The following FAM81A variants were observed in gnomAD, a reference collection of about 807,000 sequenced individuals.
FAM81A encodes the protein family with sequence similarity 81 member A, also known as protein FAM81A.
In FAM81A, 19 loss-of-function variants were observed where a neutral mutation model predicts 46.7. The observed-to-expected ratio is 0.41, with a 90% CI of 0.28 to 0.60. FAM81A has a LOEUF of 0.60. Among genes scored for constraint, FAM81A ranks in the 20% least tolerant of loss-of-function variants. FAM81A has a pLI of 0.34. For missense variants in FAM81A, 377 were observed against 453.5 expected (o/e 0.83, Z 1.53); for synonymous variants, 183 against 152.9 (o/e 1.20, Z -1.45).
Position 59,523,076 on chromosome 15 carries a change from A to G in FAM81A, c.*1698A>G, listed in dbSNP as rs575036509. Reference sequence around the variant, plus strand: ...AGCACAAACCACAGCACAGGAAGCCACACCCCCTCCAGCATCTCTGTCTTG... The same window carrying G: ...AGCACAAACCACAGCACAGGAAGCCGCACCCCCTCCAGCATCTCTGTCTTG... On this transcript the variant is annotated 3_prime_UTR_variant, in exon 9 of 9. Coordinates refer to ENST00000288228, the MANE Select transcript of FAM81A (RefSeq NM_152450.3). 5.9e-5 allele frequency: 9 copies of G among 152,378 alleles called. No homozygotes were observed. The South Asian group carries it at 1.9e-3, about 32-fold the overall frequency. The allele number at this position is 152,378 out of a possible 1,614,324, so 9.4% of individuals were successfully genotyped here. A position where few individuals can be genotyped will look rare whatever the true frequency, so the allele number is the denominator to read the frequency against.
At chr15:59,471,925 A>G (rs1834465732) in intron 3 of FAM81A, among the ~76,000 whole-genome samples, 1 of 152,152 alleles carries the variant, frequency 6.6e-6, no homozygotes, top group Non-Finnish European at 1.5e-5. Flanking sequence ...ACTTCTTATG[A>G]TGGTTAAAGA....
At chr15:59,450,221 C>T (rs1279198102) in intron 1 of FAM81A, among the ~76,000 whole-genome samples, 1 of 151,740 alleles carries the variant, frequency 6.6e-6, no homozygotes, top group East Asian at 1.9e-4. Flanking sequence ...TGAGCCACTG[C>T]ACCTCGCTGC....
intron 2 of FAM81A, among the ~76,000 whole-genome samples, chr15:59,402,754 A>G (rs1468969372): frequency 6.6e-6 from 1 of 151,988 alleles, no homozygotes; most frequent in Admixed American, 6.6e-5. Flanking sequence ...GGGTTTCACC[A>G]TGTTAGCCAG....
At chr15:59,421,746 T>A (rs1018186904) in intron 2 of FAM81A, among the ~76,000 whole-genome samples, 14 of 15,518 alleles carry the variant, frequency 9.0e-4, no homozygotes, top group African/African-American at 2.1e-3. Context: ...TATCTATCTG[T>A]CTATCTATCT....
At chr15:59,447,187 C>T (rs1164537047) in intron 1 of FAM81A, among the ~76,000 whole-genome samples, 1 of 152,216 alleles carries the variant, frequency 6.6e-6, no homozygotes, top group African/African-American at 2.4e-5. Flanking sequence ...GCCTCACCCT[C>T]TCCAAGATGG....
intron 6 of FAM81A, among the ~76,000 whole-genome samples, chr15:59,514,066 G>C (rs559658480): frequency 5.9e-5 from 9 of 151,950 alleles, no homozygotes; most frequent in African/African-American, 1.7e-4. Context: ...ACACATACTG[G>C]GGCTTGGGGG....
chr15:59,469,084 G>T (rs1318332737), intron 3 of FAM81A, among the ~76,000 whole-genome samples: 8 of 152,134 alleles, frequency 5.3e-5, no homozygotes, highest in Non-Finnish European at 4.4e-5. Flanking sequence ...ACAGTTTGTT[G>T]TGATTTCTGT....
At chr15:59,414,838 T>C (rs1360634238) in intron 2 of FAM81A, among the ~76,000 whole-genome samples, 1 of 151,990 alleles carries the variant, frequency 6.6e-6, no homozygotes, top group Non-Finnish European at 1.5e-5. Flanking sequence ...TTTTTTGAGA[T>C]GGAGTCTCGC....
intron 3 of FAM81A, among the ~76,000 whole-genome samples, chr15:59,468,023 A>G (rs1350107517): frequency 3.9e-5 from 6 of 152,042 alleles, no homozygotes; most frequent in South Asian, 2.1e-4. Flanking sequence ...ATTGATTTGC[A>G]TATGTTGAAC....
intron 2 of FAM81A, among the ~76,000 whole-genome samples, chr15:59,406,749 T>C (rs1261646592): frequency 6.6e-6 from 1 of 152,182 alleles, no homozygotes; most frequent in African/African-American, 2.4e-5. Flanking sequence ...TCCTGCACGA[T>C]CTTTTACTAC....
upstream of FAM81A, among the ~76,000 whole-genome samples, chr15:59,437,562 G>A (rs922854876): frequency 2.0e-4 from 30 of 152,134 alleles, no homozygotes; most frequent in African/African-American, 1.2e-4. Flanking sequence ...TGTCTGCTGC[G>A]ATGAGACACG....
At chr15:59,401,917 G>A (rs183673038) in intron 1 of FAM81A, 15 of 758,952 alleles carry the variant, frequency 2.0e-5, no homozygotes, top group East Asian at 1.7e-4. Flanking sequence ...TGAGCCTCTC[G>A]ACTTTCTTTC....
chr15:59,414,030 T>C (rs2141542595), intron 2 of FAM81A, among the ~76,000 whole-genome samples: 1 of 152,252 alleles, frequency 6.6e-6, no homozygotes. Context: ...CTCGGCTCAC[T>C]GCAACCTCCA....
intron 3 of FAM81A, among the ~76,000 whole-genome samples, chr15:59,465,395 C>T (rs2081600224): frequency 1.3e-5 from 2 of 152,170 alleles, no homozygotes; most frequent in African/African-American, 4.8e-5. Flanking sequence ...GCCTCAGCCT[C>T]CTGAGTAGCT....
intron 3 of FAM81A, among the ~76,000 whole-genome samples, chr15:59,469,189 G>T (rs2081653375): frequency 6.6e-6 from 1 of 152,188 alleles, no homozygotes; most frequent in South Asian, 2.1e-4. Context: ...ATATTCTGTT[G>T]ATTTGGGGTG....
chr15:59,516,565 A>G, intron 7 of FAM81A, 80 bp from the exon 8 acceptor site: 1 of 1,410,944 alleles, frequency 7.1e-7, no homozygotes, highest in Non-Finnish European at 9.7e-7. Flanking sequence ...GATTGTTGTT[A>G]AACGATATTA....
chr15:59,435,876 A>G (rs185869053), upstream of FAM81A, among the ~76,000 whole-genome samples: 1 of 152,192 alleles, frequency 6.6e-6, no homozygotes, highest in Admixed American at 6.5e-5. Context: ...GAAAAAATGG[A>G]TATTTCGTTG....
Position 59,523,301 on chromosome 15 carries a change from A to C in FAM81A, c.*1923A>C, listed in dbSNP as rs1274695021. 6.6e-6 allele frequency: 1 copy of C among 152,248 alleles called. No individual in the cohort carries two copies. Among genetic ancestry groups the C allele is most frequent in the African/African-American group, 2.4e-5 (1 of 41,432 alleles). 9.4% of individuals were successfully genotyped at this position (152,248 alleles called of 1,614,324 possible). A position where few individuals can be genotyped will look rare whatever the true frequency, so the allele number is the denominator to read the frequency against. ...CTCACCTTGGCTACATGTTGAAATC[A>C]TCCAGAGGAGTTGGGAAATCTACTG... On this transcript the variant is annotated 3_prime_UTR_variant, in exon 9 of 9. Coordinates refer to ENST00000288228, the MANE Select transcript of FAM81A (RefSeq NM_152450.3).
Position 59,492,266 on chromosome 15 carries a change from C to T in FAM81A, c.295-5C>T. The T allele has an allele frequency of 6.2e-7, 1 of 1,602,746 alleles. No homozygotes were observed. The highest frequency in any genetic ancestry group is 2.2e-5 in the East Asian group (1 of 44,796). On this transcript the variant is annotated splice_region_variant and splice_polypyrimidine_tract_variant and intron_variant, in intron 3 of 8. Transcript: ENST00000288228. ...GACTCCCTTAGTGTTTTTTATGTTG[C>T]CCAGGTACTCCAGGAGCAGATTCGT...
Sources: gnomAD v4.1 joint callset for allele counts (sites outside exome capture counted in the v4.1 genomes callset) on GRCh38, gnomAD v4.1.1 for gene constraint, MANE v1.5 for transcripts, NCBI Gene and HGNC (gene_info 2026-07-23, HGNC 2026-07-21) for gene names.